The following PATJ variants were observed in gnomAD, a reference collection of about 807,000 sequenced individuals.
The protein encoded by PATJ is PATJ crumbs cell polarity complex component, also known as inaD-like protein.
PATJ carries 190 observed loss-of-function variants against 224.9 expected under a neutral mutation model. The observed-to-expected ratio is 0.84, with a 90% CI of 0.75 to 0.95. The LOEUF is 0.95. PATJ is among the 40% of genes least tolerant of loss of function. The pLI is 0.00. For synonymous variants in PATJ, 769 were observed against 820.3 expected (o/e 0.94, Z 1.07); for missense variants, 2,121 against 2,270.3 (o/e 0.93, Z 1.34).
chr1:61,891,749 G>A lies in PATJ; in HGVS notation c.3131+7341G>A, dbSNP rs140366714. On this transcript the variant is annotated intron_variant, in intron 22 of 43. Coordinates refer to ENST00000642238, the MANE Select transcript of PATJ (RefSeq NM_001350145.3). ...GCTTGAACTTCTGTTTCTTAAGGAA[G>A]CTCTTAAACACCATTTTACATATTA... Among the ~76,000 whole-genome samples the A allele has an allele frequency of 5.2e-3, 790 of 152,254 alleles. 10 individuals are homozygous for A. The highest frequency in any genetic ancestry group is 0.018 in the African/African-American group (751 of 41,548).
chr1:62,126,934 A>G (rs1019254932), intron 39 of PATJ, among the ~76,000 whole-genome samples: 1 of 152,204 alleles, frequency 6.6e-6, no homozygotes, highest in Non-Finnish European at 1.5e-5. Context: ...TTTAATGCTC[A>G]GACCAACACT....
At position 61,965,111 on chromosome 1, in the gene PATJ, G is replaced by A. The variant is rs546812041; in HGVS notation, c.3671-25057G>A. Among the ~76,000 whole-genome samples the A allele has an allele frequency of 1.6e-4, 13 of 78,864 alleles. No individual in the cohort carries two copies. In the East Asian group the frequency reaches 4.8e-3, roughly 29 times the overall value. 51.7% of individuals were successfully genotyped at this position (78,864 alleles called of 152,430 possible). On this transcript the variant is annotated intron_variant, in intron 27 of 43. Transcript: ENST00000642238. ...TATTCTAGCCTGGGCCACTGAAGGA[G>A]ACTCTGTCTCAAAAAAAAAAAAAAA...
At chr1:61,922,395 A>G (rs1477998587) in intron 26 of PATJ, among the ~76,000 whole-genome samples, 1 of 152,166 alleles carries the variant, frequency 6.6e-6, no homozygotes, top group African/African-American at 2.4e-5. Context: ...AACCCACAAA[A>G]TGTGACATCT....
chr1:62,118,273 A>C (rs1342846192), intron 37 of PATJ, among the ~76,000 whole-genome samples: 2 of 151,938 alleles, frequency 1.3e-5, no homozygotes, highest in Non-Finnish European at 2.9e-5. Context: ...TCCATGAGTT[A>C]ATAGTTAGTG....
chr1:61,947,465 T>C (rs1332489300), intron 27 of PATJ, among the ~76,000 whole-genome samples: 1 of 152,152 alleles, frequency 6.6e-6, no homozygotes. Context: ...CCCTTCACAA[T>C]TGCTACAAAG....
intron 21 of PATJ, among the ~76,000 whole-genome samples, chr1:61,877,121 C>G (rs554548496): frequency 1.3e-5 from 2 of 152,248 alleles, no homozygotes; most frequent in African/African-American, 4.8e-5. Context: ...AGGCCTGTCT[C>G]TTAACTACAC....
At chr1:61,885,583 T>G (rs1345744162) in intron 22 of PATJ, among the ~76,000 whole-genome samples, 1 of 152,226 alleles carries the variant, frequency 6.6e-6, no homozygotes, top group Non-Finnish European at 1.5e-5. Flanking sequence ...TTGGTGGGAC[T>G]ATAAACTAGT....
At chr1:61,926,575 G>A (rs1571328451) in intron 26 of PATJ, among the ~76,000 whole-genome samples, 1 of 151,898 alleles carries the variant, frequency 6.6e-6, no homozygotes, top group Non-Finnish European at 1.5e-5. Flanking sequence ...CAACTTACAA[G>A]AATTAAAGAG....
chr1:62,113,956 A>C, intron 34 of PATJ, 97 bp from the exon 35 acceptor site: 1 of 1,223,064 alleles, frequency 8.2e-7, no homozygotes, highest in Non-Finnish European at 1.1e-6. Context: ...GGAAATTTCT[A>C]GAGATTCTTT....
intron 42 of PATJ, among the ~76,000 whole-genome samples, chr1:62,153,039 G>GAA (rs532477880): frequency 0.02 from 2,758 of 135,666 alleles, 59 homozygotes; most frequent in African/African-American, 0.066. Context: ...CTCAAAAAAA[G>GAA]AAAAAAAAAA....
intron 22 of PATJ, among the ~76,000 whole-genome samples, chr1:61,893,707 G>A (rs1006981169): frequency 6.6e-6 from 1 of 151,614 alleles, no homozygotes; most frequent in Non-Finnish European, 1.5e-5. Context: ...TGAGGCTGCA[G>A]TGAGCTGTGA....
intron 31 of PATJ, among the ~76,000 whole-genome samples, chr1:62,051,348 C>T (rs1653583428): frequency 6.6e-6 from 1 of 152,038 alleles, no homozygotes; most frequent in Non-Finnish European, 1.5e-5. Context: ...CTCACTCTGT[C>T]GCCCAGGCTG....
At chr1:61,997,390 G>T (rs535610550) in intron 28 of PATJ, among the ~76,000 whole-genome samples, 2 of 152,296 alleles carry the variant, frequency 1.3e-5, no homozygotes, top group South Asian at 4.1e-4. Context: ...ACTAAGTGCA[G>T]TCCTCTGGTC....
chr1:61,871,813 C>T (rs1042188290), intron 20 of PATJ, among the ~76,000 whole-genome samples: 3 of 151,244 alleles, frequency 2.0e-5, no homozygotes, highest in African/African-American at 7.3e-5. Flanking sequence ...ATCTGCCCAC[C>T]CTGGCCTCCC....
rs536349800 is a variant in PATJ at position 62,162,014 on chromosome 1, G to T, written c.*960G>T. 9 of 152,260 alleles carry T rather than the reference G, an allele frequency of 5.9e-5. No individual in the cohort carries two copies. Among genetic ancestry groups the T allele is most frequent in the African/African-American group, 2.2e-4 (9 of 41,522 alleles). 9.4% of individuals were successfully genotyped at this position (152,260 alleles called of 1,614,324 possible). A position where few individuals can be genotyped will look rare whatever the true frequency, so the allele number is the denominator to read the frequency against. On this transcript the variant is annotated 3_prime_UTR_variant, in exon 44 of 44. Transcript: ENST00000642238. ...TATGCTAGTCATTGGTGATTTTGATGAGTCAATTTACAGACTGTAATCTTC... is the reference window on the plus strand; with the variant it reads ...TATGCTAGTCATTGGTGATTTTGATTAGTCAATTTACAGACTGTAATCTTC...
intron 20 of PATJ, among the ~76,000 whole-genome samples, chr1:61,867,461 A>G (rs934478421): frequency 6.6e-6 from 1 of 152,198 alleles, no homozygotes; most frequent in Non-Finnish European, 1.5e-5. Flanking sequence ...GCAACCTGAA[A>G]TATCAGTTTA....
At chr1:62,090,658 G>C (rs1417421934) in intron 33 of PATJ, among the ~76,000 whole-genome samples, 2 of 152,086 alleles carry the variant, frequency 1.3e-5, no homozygotes, top group Non-Finnish European at 2.9e-5. Context: ...CTATCCATCA[G>C]TCCATCCTTT....
chr1:61,792,357 A>G (rs187861775), intron 9 of PATJ, among the ~76,000 whole-genome samples: 2 of 152,374 alleles, frequency 1.3e-5, no homozygotes, highest in Admixed American at 1.3e-4. Flanking sequence ...AAAAAACCAC[A>G]TCAAGTAGTT....
At chr1:61,776,848 C>G (rs1646939955) in intron 7 of PATJ, among the ~76,000 whole-genome samples, 1 of 152,084 alleles carries the variant, frequency 6.6e-6, no homozygotes, top group African/African-American at 2.4e-5. Flanking sequence ...GCCTCAGCCT[C>G]CCGAGTAGCT....
Sources: allele counts gnomAD v4.1 joint callset (sites outside exome capture counted in the v4.1 genomes callset), GRCh38; gene constraint gnomAD v4.1.1; transcripts MANE v1.5; gene names NCBI Gene and HGNC (gene_info 2026-07-23, HGNC 2026-07-21).